DLGAP2: variants seen among roughly 807,000 people sequenced by gnomAD.
The protein encoded by DLGAP2 is disks large-associated protein 2.
DLGAP2 carries 26 observed loss-of-function variants against 100.3 expected under a neutral mutation model. That is an observed-to-expected ratio of 0.26 (90% CI 0.19 to 0.36). The LOEUF is 0.36. Ranked by LOEUF, DLGAP2 falls within the 10% of genes least tolerant of loss-of-function variation. DLGAP2 has a pLI of 1.00. For synonymous variants in DLGAP2, 886 were observed against 630.1 expected (o/e 1.41, Z -6.08); for missense variants, 1,858 against 1,453.2 (o/e 1.28, Z -4.53).
At chr8:1,227,114 G>C (rs1407816614) in intron 2 of DLGAP2, among the ~76,000 whole-genome samples, 1 of 115,750 alleles carries the variant, frequency 8.6e-6, no homozygotes, top group African/African-American at 5.5e-5. Context: ...GAAATGACCT[G>C]AGTGTCCTTC....
chr8:1,204,802 G>C (rs1797955263), intron 2 of DLGAP2, among the ~76,000 whole-genome samples: 2 of 152,190 alleles, frequency 1.3e-5, no homozygotes, highest in South Asian at 4.1e-4. Context: ...AGGGGCAGTA[G>C]AGTGCAAAGA....
intron 3 of DLGAP2, among the ~76,000 whole-genome samples, chr8:1,349,791 G>T (rs1450413759): frequency 6.6e-6 from 1 of 152,242 alleles, no homozygotes; most frequent in East Asian, 1.9e-4. Context: ...TGACTTTACA[G>T]AGAAGTGCAA....
chr8:1,455,404 G>C (rs740247), intron 3 of DLGAP2, among the ~76,000 whole-genome samples: 76,425 of 152,160 alleles, frequency 0.5, 19,765 homozygotes, highest in East Asian at 0.84. Context: ...GGGTCCCAGG[G>C]GGACCCTGGT....
At chr8:766,428 G>A (rs921907021) in intron 1 of DLGAP2, among the ~76,000 whole-genome samples, 64 of 152,294 alleles carry the variant, frequency 4.2e-4, no homozygotes, top group African/African-American at 1.3e-3. Context: ...TTTGAAATTC[G>A]TCACATAAAT....
intron 14 of DLGAP2, among the ~76,000 whole-genome samples, chr8:1,697,841 T>A (rs1307959297): frequency 6.6e-6 from 1 of 152,220 alleles, no homozygotes; most frequent in African/African-American, 2.4e-5. Context: ...TAAAATAGGC[T>A]GAAATTTGCC....
chr8:1,291,129 G>A (rs540031124), intron 3 of DLGAP2, among the ~76,000 whole-genome samples: 2 of 152,230 alleles, frequency 1.3e-5, no homozygotes, highest in South Asian at 4.1e-4. Context: ...TAATATCTAG[G>A]TAACAGTCAT....
chr8:1,509,069 A>T (rs4876076), intron 4 of DLGAP2, among the ~76,000 whole-genome samples: 146,539 of 152,176 alleles, frequency 0.96, 70,614 homozygotes, highest in East Asian at 1. Flanking sequence ...ACGGTGGCTC[A>T]CGCCTGTAAT....
intron 2 of DLGAP2, among the ~76,000 whole-genome samples, chr8:1,140,492 C>T (rs953364910): frequency 6.6e-6 from 1 of 152,176 alleles, no homozygotes; most frequent in Non-Finnish European, 1.5e-5. Flanking sequence ...GTCCCATGCA[C>T]CTGCTCAGAG....
At chr8:1,586,813 C>G (rs1233633287) in intron 6 of DLGAP2, among the ~76,000 whole-genome samples, 1 of 152,290 alleles carries the variant, frequency 6.6e-6, no homozygotes, top group Admixed American at 6.5e-5. Context: ...TTTGCGAATG[C>G]TCAACCACCA....
chr8:1,515,163 C>A (rs1178279471), intron 4 of DLGAP2, among the ~76,000 whole-genome samples: 1 of 152,154 alleles, frequency 6.6e-6, no homozygotes, highest in East Asian at 1.9e-4. Context: ...GGAAGGCAGC[C>A]TTGGAAATCA....
intron 1 of DLGAP2, among the ~76,000 whole-genome samples, chr8:777,951 A>G (rs545640177): frequency 4.6e-5 from 7 of 152,082 alleles, no homozygotes; most frequent in Admixed American, 1.3e-4. Context: ...GTGTTTTCCA[A>G]CTTGGTTCCA....
rs142586547 is a variant in DLGAP2 at position 1,356,613 on chromosome 8, C to G, written c.106+97730C>G. Among the ~76,000 whole-genome samples, 697 of 152,220 alleles carry G rather than the reference C, an allele frequency of 4.6e-3. 1 individual carries two copies. Among genetic ancestry groups the G allele is most frequent in the Non-Finnish European group, 7.7e-3 (527 of 68,030 alleles). Reference sequence around the variant, plus strand: ...ACATGACGGAGATGCGCAGGAATGGCAAAGTACGAGGGGAAAACAGACAGT... The same window carrying G: ...ACATGACGGAGATGCGCAGGAATGGGAAAGTACGAGGGGAAAACAGACAGT... On this transcript the variant is annotated intron_variant, in intron 3 of 14. Coordinates refer to ENST00000637795, the MANE Select transcript of DLGAP2 (RefSeq NM_001346810.2).
chr8:1,293,003 T>C (rs116168891), intron 3 of DLGAP2, among the ~76,000 whole-genome samples: 1,649 of 152,268 alleles, frequency 0.011, 15 homozygotes, highest in African/African-American at 0.03. Context: ...GTCTCTTTTT[T>C]CCACATGCCT....
At chr8:1,433,703 C>T (rs1797526186) in intron 3 of DLGAP2, among the ~76,000 whole-genome samples, 1 of 147,724 alleles carries the variant, frequency 6.8e-6, no homozygotes, top group Non-Finnish European at 1.5e-5. Flanking sequence ...TTTTGCTAGA[C>T]ACTGAAGATA....
At chr8:864,260 T>A (rs1265367816) in intron 1 of DLGAP2, among the ~76,000 whole-genome samples, 1 of 152,152 alleles carries the variant, frequency 6.6e-6, no homozygotes, top group Non-Finnish European at 1.5e-5. Flanking sequence ...GAAGCTCTTG[T>A]GTGCTGCTGT....
chr8:799,460 A>C (rs1478066602), intron 1 of DLGAP2, among the ~76,000 whole-genome samples: 1 of 152,120 alleles, frequency 6.6e-6, no homozygotes, highest in African/African-American at 2.4e-5. Context: ...AGTTGGAAAA[A>C]AGGTTGGAAG....
At chr8:1,011,110 C>T (rs899061016) in intron 2 of DLGAP2, among the ~76,000 whole-genome samples, 7 of 150,294 alleles carry the variant, frequency 4.7e-5, no homozygotes, top group East Asian at 2.0e-4. Flanking sequence ...TTAGTCTGCA[C>T]AGTGAGCCCG....
intron 3 of DLGAP2, among the ~76,000 whole-genome samples, chr8:1,334,353 C>G (rs1801224111): frequency 6.6e-6 from 1 of 152,206 alleles, no homozygotes; most frequent in South Asian, 2.1e-4. Flanking sequence ...CCTCATCCAC[C>G]TGTCACCAAC....
intron 6 of DLGAP2, among the ~76,000 whole-genome samples, chr8:1,586,165 C>T (rs1796112195): frequency 6.6e-6 from 1 of 152,270 alleles, no homozygotes; most frequent in Admixed American, 6.5e-5. Context: ...TGTCGGCAGC[C>T]TGCCCTCCTT....
Sources: allele counts gnomAD v4.1 joint callset (sites outside exome capture counted in the v4.1 genomes callset), GRCh38; gene constraint gnomAD v4.1.1; transcripts MANE v1.5; gene names NCBI Gene and HGNC (gene_info 2026-07-23, HGNC 2026-07-21).